The following ADARB2 variants were observed in gnomAD, a reference collection of about 807,000 sequenced individuals.
ADARB2 encodes adenosine deaminase RNA specific B2 (inactive), also known as inactive double-stranded RNA-specific editase B2.
In ADARB2, 25 loss-of-function variants were observed where a neutral mutation model predicts 62.2. That is an observed-to-expected ratio of 0.40 (90% CI 0.29 to 0.56). The LOEUF is 0.56. ADARB2 is among the 20% of genes least tolerant of loss of function. The pLI, the probability that ADARB2 is intolerant of heterozygous loss-of-function variation, is 0.43. For synonymous variants in ADARB2, 572 were observed against 500.8 expected, an observed-to-expected ratio of 1.14 and a Z score of -1.90; for missense variants, 1,071 against 1,077.4, an observed-to-expected ratio of 0.99 and a Z score of 0.08.
At chr10:1,211,589 C>G (rs74568385) in intron 7 of ADARB2, among the ~76,000 whole-genome samples, 2 of 152,320 alleles carry the variant, frequency 1.3e-5, no homozygotes, top group East Asian at 1.9e-4. Context: ...TATGTTATTT[C>G]TGGACGAGAC....
At chr10:1,206,714 C>G (rs1054538421) in intron 7 of ADARB2, among the ~76,000 whole-genome samples, 1 of 152,222 alleles carries the variant, frequency 6.6e-6, no homozygotes, top group African/African-American at 2.4e-5. Flanking sequence ...CTCTGCGTCT[C>G]TGTATTGGGT....
At chr10:1,552,151 C>T (rs543960825) in intron 1 of ADARB2, among the ~76,000 whole-genome samples, 31 of 152,388 alleles carry the variant, frequency 2.0e-4, no homozygotes, top group South Asian at 4.1e-4. Context: ...GCCACTCCCA[C>T]TCCGAGCAGG....
intron 7 of ADARB2, among the ~76,000 whole-genome samples, chr10:1,205,705 G>A (rs1589150904): frequency 6.6e-6 from 1 of 152,400 alleles, no homozygotes; most frequent in East Asian, 1.9e-4. Flanking sequence ...CGCGGAAACT[G>A]CTGGAGCAGA....
At chr10:1,478,813 C>T (rs182933940) in intron 1 of ADARB2, among the ~76,000 whole-genome samples, 13 of 151,958 alleles carry the variant, frequency 8.6e-5, no homozygotes, top group Non-Finnish European at 1.5e-4. Flanking sequence ...AAAATAAGGA[C>T]CTTCGGACGG....
intron 4 of ADARB2, among the ~76,000 whole-genome samples, chr10:1,265,271 T>C (rs1301506337): frequency 6.6e-6 from 1 of 152,214 alleles, no homozygotes; most frequent in East Asian, 1.9e-4. Flanking sequence ...AAAAATGCTG[T>C]CAAAATTATA....
intron 1 of ADARB2, among the ~76,000 whole-genome samples, chr10:1,498,250 T>C (rs1467893965): frequency 6.6e-6 from 1 of 152,136 alleles, no homozygotes; most frequent in Non-Finnish European, 1.5e-5. Context: ...GGCAGATGCC[T>C]GTAATCCCAG....
intron 1 of ADARB2, among the ~76,000 whole-genome samples, chr10:1,630,428 G>A (rs866754866): frequency 2.6e-5 from 4 of 152,130 alleles, no homozygotes; most frequent in South Asian, 2.1e-4. Flanking sequence ...TCAGGGAGGG[G>A]GCGGAGGAAA....
At chr10:1,473,991 C>A (rs1465018311) in intron 1 of ADARB2, among the ~76,000 whole-genome samples, 1 of 150,024 alleles carries the variant, frequency 6.7e-6, no homozygotes, top group Admixed American at 6.6e-5. Context: ...CTTGCTGAGC[C>A]CCCGGATCAC....
At chr10:1,252,322 G>A (rs192813083) in intron 4 of ADARB2, among the ~76,000 whole-genome samples, 133 of 152,296 alleles carry the variant, frequency 8.7e-4, no homozygotes, top group African/African-American at 3.1e-3. Flanking sequence ...CTGCCCCAAG[G>A]GTGTCATGTG....
intron 4 of ADARB2, among the ~76,000 whole-genome samples, chr10:1,256,509 A>G (rs571443401): frequency 7.4e-4 from 113 of 152,312 alleles, no homozygotes; most frequent in African/African-American, 2.2e-3. Context: ...CGTGTTTGCA[A>G]CACTGCTAAT....
chr10:1,434,142 C>T (rs1380646912), intron 1 of ADARB2, among the ~76,000 whole-genome samples: 1 of 151,888 alleles, frequency 6.6e-6, no homozygotes, highest in Non-Finnish European at 1.5e-5. Context: ...AGGCTGATAA[C>T]GAGAGATTTA....
intron 3 of ADARB2, among the ~76,000 whole-genome samples, chr10:1,275,345 G>T (rs1831305041): frequency 6.6e-6 from 1 of 152,284 alleles, no homozygotes; most frequent in African/African-American, 2.4e-5. Flanking sequence ...GCTGGAGGAG[G>T]TGGGAGGTGC....
intron 1 of ADARB2, among the ~76,000 whole-genome samples, chr10:1,391,878 G>A (rs900882893): frequency 2.0e-5 from 3 of 148,156 alleles, no homozygotes; most frequent in African/African-American, 5.0e-5. Context: ...GGGCTCAAGC[G>A]ATCATCCCAC....
At chr10:1,537,598 A>G (rs1217499718) in intron 1 of ADARB2, among the ~76,000 whole-genome samples, 2 of 152,222 alleles carry the variant, frequency 1.3e-5, no homozygotes, top group Non-Finnish European at 2.9e-5. Flanking sequence ...CAAAGAAAAC[A>G]TGGCATATAT....
At chr10:1,440,437 C>G (rs201868715) in intron 1 of ADARB2, among the ~76,000 whole-genome samples, 1 of 120,136 alleles carries the variant, frequency 8.3e-6, no homozygotes, top group Non-Finnish European at 1.8e-5. Flanking sequence ...TTTTTTTTTT[C>G]TTACCATCTT....
chr10:1,401,754 G>A (rs1480753595), intron 1 of ADARB2, among the ~76,000 whole-genome samples: 1 of 152,174 alleles, frequency 6.6e-6, no homozygotes, highest in African/African-American at 2.4e-5. Context: ...CTCTCTAGAG[G>A]AGAATGAGCC....
chr10:1,186,515 C>T (rs1836761493), intron 8 of ADARB2: 1 of 519,068 alleles, frequency 1.9e-6, no homozygotes, highest in South Asian at 1.4e-5. Context: ...GACGCGTTCC[C>T]CAAGCCCAGC....
At chr10:1,348,896 C>T (rs561745156) in intron 3 of ADARB2, among the ~76,000 whole-genome samples, 1 of 152,270 alleles carries the variant, frequency 6.6e-6, no homozygotes, top group African/African-American at 2.4e-5. Context: ...CAAGCGACAG[C>T]GGCCCAGGAA....
chr10:1,318,661 G>A (rs1004091283), intron 3 of ADARB2, among the ~76,000 whole-genome samples: 1 of 152,162 alleles, frequency 6.6e-6, no homozygotes, highest in Non-Finnish European at 1.5e-5. Flanking sequence ...TGATACAAAG[G>A]CTGCTCGAGA....
Sources: gnomAD v4.1 joint callset for allele counts (sites outside exome capture counted in the v4.1 genomes callset) on GRCh38, gnomAD v4.1.1 for gene constraint, MANE v1.5 for transcripts, NCBI Gene and HGNC (gene_info 2026-07-23, HGNC 2026-07-21) for gene names.